The following GRP variants were observed in gnomAD, a reference collection of about 807,000 sequenced individuals.
GRP encodes the protein gastrin-releasing peptide.
Under a neutral mutation model 12.7 loss-of-function variants are expected in GRP, and 11 were observed. The ratio of observed to expected loss-of-function variants is 0.87; its 90% CI spans 0.55 to 1.44. The LOEUF is 1.44. Among genes scored for constraint, GRP ranks in the 40% most tolerant of loss-of-function variants. The pLI, the probability that GRP is intolerant of heterozygous loss-of-function variation, is 0.00. For missense variants in GRP, 212 were observed against 185.4 expected (o/e 1.14, Z -0.83); for synonymous variants, 84 against 77.7 (o/e 1.08, Z -0.43).
chr18:59,225,623 A>G lies in GRP; in HGVS notation c.271A>G (p.Lys91Glu). The G allele has an allele frequency of 6.2e-7, 1 of 1,614,152 alleles. No homozygotes were observed. Among genetic ancestry groups the G allele is most frequent in the Non-Finnish European group, 8.5e-7 (1 of 1,179,998 alleles). The change falls in exon 2 of 3, where the codon AAG (lysine) becomes GAG (glutamate). Residue 91 changes from lysine (K) to glutamate (E), a missense_variant. Transcript: ENST00000256857. ...ARNLLGLIEA[K>E]ENRNHQPPQP... The stretch of plus-strand genomic sequence containing the variant: ...GAATTTGCTGGGTCTCATAGAAGCA[A>G]AGGAGAACAGAAACCACCAGCCACC...
In GRP at chr18:59,221,626, G is replaced by A. The variant is rs780025215; in HGVS notation, c.139+1222G>A. Among the ~76,000 whole-genome samples the A allele has an allele frequency of 2.7e-5, 4 of 146,976 alleles. No individual in the cohort carries two copies. In the South Asian group the frequency reaches 6.3e-4, roughly 23 times the overall value. ...GTGTGTGTGTGTGTGTATTTCCTTA[G>A]CCATCTACTTAGAACGGGCGCTGGG... On this transcript the variant is annotated intron_variant, in intron 1 of 2. Transcript: ENST00000256857.
intron 1 of GRP, 37 bp downstream of exon 1, chr18:59,220,441 T>A: frequency 7.5e-7 from 1 of 1,327,140 alleles, no homozygotes; most frequent in Non-Finnish European, 9.6e-7. Flanking sequence ...GCGCTTGTCC[T>A]CCTCTGGATC....
intron 1 of GRP, among the ~76,000 whole-genome samples, chr18:59,223,460 T>A (rs1325906252): frequency 6.6e-6 from 1 of 152,046 alleles, no homozygotes; most frequent in Non-Finnish European, 1.5e-5. Context: ...TATATGCAAG[T>A]ACTGAAAGTT....
chr18:59,221,096 C>T (rs548336903), intron 1 of GRP, among the ~76,000 whole-genome samples: 1 of 152,382 alleles, frequency 6.6e-6, no homozygotes, highest in South Asian at 2.1e-4. Context: ...TGGGGAATCT[C>T]GCCTGCTCTC....
At chr18:59,226,284 T>C (rs1286079745) in intron 2 of GRP, among the ~76,000 whole-genome samples, 2 of 152,148 alleles carry the variant, frequency 1.3e-5, no homozygotes, top group East Asian at 1.9e-4. Flanking sequence ...TTATAGAGGA[T>C]AGGGGAAAAT....
intron 1 of GRP, among the ~76,000 whole-genome samples, chr18:59,222,564 G>A (rs986950453): frequency 6.6e-6 from 1 of 152,336 alleles, no homozygotes; most frequent in Middle Eastern, 3.4e-3. Flanking sequence ...GTTGGAATAT[G>A]AGCATTGACA....
Position 59,220,223 on chromosome 18 carries a change from T to C in GRP, c.-43T>C. 1 of 1,408,484 alleles carries C rather than the reference T, an allele frequency of 7.1e-7. No individual in the cohort carries two copies. Among genetic ancestry groups the C allele is most frequent in the South Asian group, 1.5e-5 (1 of 66,862 alleles). 87.2% of individuals were successfully genotyped at this position (1,408,484 alleles called of 1,614,324 possible). On this transcript the variant is annotated 5_prime_UTR_variant, in exon 1 of 3. Coordinates refer to ENST00000256857, the MANE Select transcript of GRP (RefSeq NM_002091.5). ...GGTCCGGGTCACCAGTCTCTGCTCT[T>C]CCCAGCCTCTCCGGCGCGCTCCAAG...
intron 2 of GRP, among the ~76,000 whole-genome samples, chr18:59,226,644 G>A (rs1039046812): frequency 2.0e-5 from 3 of 152,128 alleles, no homozygotes; most frequent in East Asian, 1.9e-4. Flanking sequence ...GTGTTCAGTC[G>A]GCCTCAGACA....
At chr18:59,227,936 G>A (rs999972325) in intron 2 of GRP, among the ~76,000 whole-genome samples, 6 of 152,072 alleles carry the variant, frequency 3.9e-5, no homozygotes, top group Admixed American at 2.0e-4. Flanking sequence ...TGCTTAAAGG[G>A]GGCAGTCCTT....
At chr18:59,229,201 C>A (rs1330211150) in intron 2 of GRP, among the ~76,000 whole-genome samples, 4 of 152,280 alleles carry the variant, frequency 2.6e-5, no homozygotes, top group Non-Finnish European at 4.4e-5. Flanking sequence ...TTGGCCCCCA[C>A]CTGGAATATA....
chr18:59,221,595 C>CTGTGTGTGTGTG (rs143541111), intron 1 of GRP, among the ~76,000 whole-genome samples: 129 of 149,870 alleles, frequency 8.6e-4, no homozygotes, highest in Non-Finnish European at 1.2e-3. Context: ...GTGTGTGTCT[C>CTGTGTGTGTGTG]TGTGTGTGTG....
chr18:59,222,295 C>T (rs189772279), intron 1 of GRP, among the ~76,000 whole-genome samples: 1 of 152,334 alleles, frequency 6.6e-6, no homozygotes, highest in Non-Finnish European at 1.5e-5. Context: ...ACATCTGTCT[C>T]CAGGTATTTA....
chr18:59,220,050 C>T, upstream of GRP: 1 of 404,874 alleles, frequency 2.5e-6, no homozygotes. Context: ...GTCCCAGCGC[C>T]CCGGTTAGCT....
rs1568084903 is a variant in GRP at position 59,227,016 on chromosome 18, T to TCTTTCTTTCTTTCTTTCTTTCTTCCTTC, written c.382+1305_382+1306insCCTTCCTTTCTTTCTTTCTTTCTTTCTT. On this transcript the variant is annotated intron_variant, in intron 2 of 2. Transcript: ENST00000256857. ...TCCTTTCTTTCTTTCTTTCTTTCTT[T>TCTTTCTTTCTTTCTTTCTTTCTTCCTTC]CTTTCTTTCTTTCTTTCTTTCTTTC... Among the ~76,000 whole-genome samples, 48 of 129,410 alleles carry TCTTTCTTTCTTTCTTTCTTTCTTCCTTC rather than the reference T, an allele frequency of 3.7e-4. No individual in the cohort carries two copies. In the East Asian group the frequency reaches 4.7e-3, roughly 13 times the overall value. The allele number at this position is 129,410 out of a possible 152,430, so 84.9% of individuals were successfully genotyped here. A position where few individuals can be genotyped will look rare whatever the true frequency, so the allele number is the denominator to read the frequency against.
chr18:59,225,391 C>T, intron 1 of GRP, 101 bp from the exon 2 acceptor site: 1 of 1,061,330 alleles, frequency 9.4e-7, no homozygotes, highest in Non-Finnish European at 1.4e-6. Context: ...TAGGAGGAAG[C>T]AGCACAAACA....
intron 1 of GRP, among the ~76,000 whole-genome samples, chr18:59,224,259 A>G (rs1568083402): frequency 2.0e-5 from 3 of 152,188 alleles, no homozygotes; most frequent in South Asian, 4.1e-4. Context: ...CACCAAACCA[A>G]TTAGCATATG....
chr18:59,219,864 G>C (rs966143828), upstream of GRP, among the ~76,000 whole-genome samples: 8 of 152,084 alleles, frequency 5.3e-5, no homozygotes, highest in African/African-American at 1.9e-4. Flanking sequence ...TGGAGGCGCC[G>C]GCGAGCCTGG....
At chr18:59,222,738 A>T (rs1190568026) in intron 1 of GRP, among the ~76,000 whole-genome samples, 1 of 152,230 alleles carries the variant, frequency 6.6e-6, no homozygotes, top group Admixed American at 6.5e-5. Flanking sequence ...CAGGCTTGGT[A>T]AGTAAATTGC....
chr18:59,225,326 AATCT>A (rs1193361463), intron 1 of GRP, among the ~76,000 whole-genome samples, 162 bp from the exon 2 acceptor site: 3 of 152,154 alleles, frequency 2.0e-5, no homozygotes, highest in Admixed American at 1.3e-4. Context: ...CAGAGAGCAA[AATCT>A]ATCTGTCGTT....
Sources: gnomAD v4.1 joint callset for allele counts (sites outside exome capture counted in the v4.1 genomes callset) on GRCh38, gnomAD v4.1.1 for gene constraint, MANE v1.5 for transcripts, NCBI Gene and HGNC (gene_info 2026-07-23, HGNC 2026-07-21) for gene names.